LRP2BP: variants seen among roughly 807,000 people sequenced by gnomAD.
LRP2BP encodes the protein LRP2 binding protein, also known as LRP2-binding protein.
In LRP2BP, 38 loss-of-function variants were observed where a neutral mutation model predicts 45.2. The ratio of observed to expected loss-of-function variants is 0.84; its 90% confidence interval spans 0.65 to 1.10. The LOEUF is 1.10. Among genes scored for constraint, LRP2BP ranks in the 50% least tolerant of loss-of-function variants. LRP2BP has a pLI of 0.00. For synonymous variants in LRP2BP, 153 were observed against 153.9 expected, an observed-to-expected ratio of 0.99 and a Z score of 0.04; for missense variants, 385 against 418.9, an observed-to-expected ratio of 0.92 and a Z score of 0.71.
In LRP2BP at chr4:185,395,655, C is replaced by T. The variant is rs1264570580; in HGVS notation, c.-898G>A. The stretch of plus-strand genomic sequence containing the variant: ...TGAATAAAAATGCTTAAAACTACCC[C>T]TTGGGTAACTAAGTATAACAACATA... On this transcript the variant is annotated 5_prime_UTR_variant, in exon 1 of 9. Transcript: ENST00000505916. 2 of 983,898 alleles carry T rather than the reference C, an allele frequency of 2.0e-6. No individual in the cohort carries two copies. Among genetic ancestry groups the T allele is most frequent in the African/African-American group, 3.5e-5 (2 of 57,206 alleles). The allele number at this position is 983,898 out of a possible 1,614,324, so 60.9% of individuals were successfully genotyped here. A position where few individuals can be genotyped will look rare whatever the true frequency, so the allele number is the denominator to read the frequency against.
At chr4:185,384,135 C>T (rs752304359) in intron 1 of LRP2BP, among the ~76,000 whole-genome samples, 19 of 152,028 alleles carry the variant, frequency 1.2e-4, no homozygotes, top group Non-Finnish European at 2.2e-4. Context: ...TGGGGAGTGA[C>T]GGGAGGGTTC....
chr4:185,380,889 TATTA>T (rs996444948), intron 1 of LRP2BP, among the ~76,000 whole-genome samples: 13 of 152,252 alleles, frequency 8.5e-5, no homozygotes, highest in Admixed American at 5.2e-4. Context: ...TCTCCCTTTT[TATTA>T]ATTCTCTCTT....
At chr4:185,387,904 GCCTCTGGATATGATT>G (rs1454179126) in intron 1 of LRP2BP, among the ~76,000 whole-genome samples, 4 of 152,302 alleles carry the variant, frequency 2.6e-5, no homozygotes, top group African/African-American at 9.6e-5. Context: ...TGGAATGAAG[GCCTCTGGATATGATT>G]CCTCCCTCTC....
At chr4:185,392,814 C>T (rs187746581) in intron 1 of LRP2BP, among the ~76,000 whole-genome samples, 10 of 152,102 alleles carry the variant, frequency 6.6e-5, no homozygotes, top group Non-Finnish European at 1.5e-4. Context: ...GCCTGGCTGG[C>T]AATAAACAAG....
chr4:185,382,100 T>G (rs1426933868), intron 1 of LRP2BP, among the ~76,000 whole-genome samples: 1 of 152,214 alleles, frequency 6.6e-6, no homozygotes, highest in Non-Finnish European at 1.5e-5. Flanking sequence ...TTTTGGATAT[T>G]CTATATAAAT....
intron 1 of LRP2BP, chr4:185,390,531 AAG>A (rs1294541474): frequency 1.3e-5 from 2 of 151,478 alleles, no homozygotes; most frequent in Non-Finnish European, 1.5e-5. Context: ...AAAAAAAAAA[AAG>A]AAAAAAGAAA....
At chr4:185,387,783 G>A (rs1374167425) in intron 1 of LRP2BP, among the ~76,000 whole-genome samples, 2 of 152,198 alleles carry the variant, frequency 1.3e-5, no homozygotes, top group South Asian at 4.1e-4. Context: ...TCTTGCAGAG[G>A]TGGGCAGCGT....
At chr4:185,379,086 G>T in intron 1 of LRP2BP, 1 of 572,824 alleles carries the variant, frequency 1.7e-6, no homozygotes, top group Non-Finnish European at 2.2e-6. Flanking sequence ...AATTATCTTT[G>T]TGATTTTGGA....
chr4:185,394,440 T>C (rs1269534922), intron 1 of LRP2BP, among the ~76,000 whole-genome samples: 11 of 152,190 alleles, frequency 7.2e-5, no homozygotes, highest in Admixed American at 7.2e-4. Context: ...GACAAGTTAA[T>C]GGATCTCCCT....
chr4:185,376,302 G>A lies in LRP2BP; in HGVS notation c.217-576C>T, dbSNP rs781357823. Among the ~76,000 whole-genome samples the A allele has an allele frequency of 1.6e-4, 24 of 152,140 alleles. 1 individual carries two copies. The highest frequency in any genetic ancestry group is 2.0e-4 in the Admixed American group (3 of 15,278). On this transcript the variant is annotated intron_variant, in intron 3 of 8. Coordinates refer to ENST00000505916, the MANE Select transcript of LRP2BP (RefSeq NM_001377440.1). ...TACAAACATACTTTTTTTTGAGAGG[G>A]AGTCTCGCTCTGTGGCCCAGGCTGG...
Position 185,378,116 on chromosome 4 carries a change from T to G in LRP2BP, c.71A>C (p.Asn24Thr), listed in dbSNP as rs2095444260. 1 of 1,613,922 alleles carries G rather than the reference T, an allele frequency of 6.2e-7. No homozygotes were observed. Among genetic ancestry groups the G allele is most frequent in the Non-Finnish European group, 8.5e-7 (1 of 1,179,964 alleles). Reference protein sequence around the residue: ...YASVSQYAAKNQKFFQWKKEK... With the variant: ...YASVSQYAAKTQKFFQWKKEK... ...CTTTTTCCACTGGAAAAATTTTTGG[T>G]TTTTAGCAGCATACTGAGATACAGA... The change falls in exon 2 of 9, where the codon AAC (asparagine) becomes ACC (threonine). Residue 24 changes from asparagine to threonine, a missense_variant. By Grantham distance (65) the Asn-to-Thr change is moderately conservative. Transcript: ENST00000505916.
At position 185,395,876 on chromosome 4, in the gene LRP2BP, G is replaced by C; in HGVS notation, c.-1119C>G. On this transcript the variant is annotated 5_prime_UTR_variant, in exon 1 of 9. Coordinates refer to ENST00000505916, the MANE Select transcript of LRP2BP (RefSeq NM_001377440.1). ...AGGGGAAAAGAAACACTCGGCTGGAGCTTTGGTTTCTAAGCAGATCCTTCT... is the reference window on the plus strand; with the variant it reads ...AGGGGAAAAGAAACACTCGGCTGGACCTTTGGTTTCTAAGCAGATCCTTCT... 1.0e-6 allele frequency: 1 copy of C among 985,514 alleles called. No individual in the cohort carries two copies. Among genetic ancestry groups the C allele is most frequent in the Non-Finnish European group, 1.2e-6 (1 of 829,964 alleles). The allele number at this position is 985,514 out of a possible 1,614,324, so 61.0% of individuals were successfully genotyped here.
rs968073956 is a variant in LRP2BP, at chr4:185,365,802, G to A, written c.*1378C>T. 1.3e-5 allele frequency: 2 copies of A among 152,030 alleles called. No homozygotes were observed. Among genetic ancestry groups the A allele is most frequent in the African/African-American group, 2.4e-5 (1 of 41,398 alleles). 9.4% of individuals were successfully genotyped at this position (152,030 alleles called of 1,614,324 possible). A position where few individuals can be genotyped will look rare whatever the true frequency, so the allele number is the denominator to read the frequency against. ...GTGGTTGAAGGAATGTTACATGGGTGGTATTAAGAGATTTGAGACAGAAAT... is the reference window on the plus strand; with the variant it reads ...GTGGTTGAAGGAATGTTACATGGGTAGTATTAAGAGATTTGAGACAGAAAT... On this transcript the variant is annotated 3_prime_UTR_variant, in exon 9 of 9. Coordinates refer to ENST00000505916, the MANE Select transcript of LRP2BP (RefSeq NM_001377440.1).
At chr4:185,381,543 G>T (rs188568668) in intron 1 of LRP2BP, among the ~76,000 whole-genome samples, 17 of 152,234 alleles carry the variant, frequency 1.1e-4, no homozygotes, top group Admixed American at 9.2e-4. Flanking sequence ...TTAGATTTCT[G>T]GTAGTTTGAG....
chr4:185,394,996 T>C lies in LRP2BP; in HGVS notation c.-239A>G, dbSNP rs139889691. 5 of 985,488 alleles carry C rather than the reference T, an allele frequency of 5.1e-6. No homozygotes were observed. The African/African-American group carries it at 8.7e-5, about 17-fold the overall frequency. 61.0% of individuals were successfully genotyped at this position (985,488 alleles called of 1,614,324 possible). A position where few individuals can be genotyped will look rare whatever the true frequency, so the allele number is the denominator to read the frequency against. ...CCAGTAAGATATTGTCCCCCAAATGTACTTATCCTGTTTTTGTGCATTATA... is the reference window on the plus strand; with the variant it reads ...CCAGTAAGATATTGTCCCCCAAATGCACTTATCCTGTTTTTGTGCATTATA... On this transcript the variant is annotated 5_prime_UTR_variant, in exon 1 of 9. Transcript: ENST00000505916.
At chr4:185,396,665 C>A (rs554102963), upstream of LRP2BP, 35 of 515,438 alleles carry the variant, frequency 6.8e-5, no homozygotes, top group African/African-American at 5.3e-4. Context: ...CCCCCTGCCC[C>A]CGGCGCCGGG....
In LRP2BP at chr4:185,373,358, C is replaced by A. The variant is rs2095422355; in HGVS notation, c.580-279G>T. Among the ~76,000 whole-genome samples the A allele has an allele frequency of 2.0e-5, 3 of 152,110 alleles. No individual in the cohort carries two copies. The South Asian group carries it at 6.2e-4, about 32-fold the overall frequency. On this transcript the variant is annotated intron_variant, in intron 6 of 8. Transcript: ENST00000505916. ...GTCCTAGGTTTCAGGATTTGGGGATCTTCAGAGTAAGGATCAGGAAGATGC... is the reference window on the plus strand; with the variant it reads ...GTCCTAGGTTTCAGGATTTGGGGATATTCAGAGTAAGGATCAGGAAGATGC...
rs753942916 is a variant in LRP2BP, at chr4:185,395,783, A to G, written c.-1026T>C. 9.1e-6 allele frequency: 9 copies of G among 985,482 alleles called. No individual in the cohort carries two copies. The highest frequency in any genetic ancestry group is 1.1e-5 in the Non-Finnish European group (9 of 829,934). 61.0% of individuals were successfully genotyped at this position (985,482 alleles called of 1,614,324 possible). On this transcript the variant is annotated 5_prime_UTR_variant, in exon 1 of 9. It removes an upstream start codon present in the reference 5' UTR. Transcript: ENST00000505916. ...AAGCATGAACTTGTTTTCTAACAGC[A>G]TAACAATAAACGTATTTATTTCTCC...
At chr4:185,396,668 G>T (rs1580031801), upstream of LRP2BP, 10 of 516,848 alleles carry the variant, frequency 1.9e-5, no homozygotes, top group East Asian at 3.4e-4. Flanking sequence ...CCTGCCCCCG[G>T]CGCCGGGCTC....
Sources: allele counts gnomAD v4.1 joint callset (sites outside exome capture counted in the v4.1 genomes callset), GRCh38; gene constraint gnomAD v4.1.1; transcripts MANE v1.5; gene names NCBI Gene and HGNC (gene_info 2026-07-23, HGNC 2026-07-21).